The following NTRK2 variants were observed in gnomAD, a reference collection of about 807,000 sequenced individuals.
NTRK2 encodes neurotrophic receptor tyrosine kinase 2.
A neutral mutation model predicts 94.5 loss-of-function variants in NTRK2; 13 were observed. The ratio of observed to expected loss-of-function variants is 0.14; its 90% CI spans 0.09 to 0.22. The LOEUF (loss-of-function observed/expected upper bound fraction) is 0.22. Among genes scored for constraint, NTRK2 ranks in the 10% least tolerant of loss-of-function variants. NTRK2 has a pLI of 1.00. For synonymous variants in NTRK2, 372 were observed against 407.4 expected (o/e 0.91, Z 1.05); for missense variants, 639 against 1,071.2 (o/e 0.60, Z 5.63).
intron 12 of NTRK2, among the ~76,000 whole-genome samples, chr9:84,794,293 TG>T (rs1164267040): frequency 6.6e-6 from 1 of 152,062 alleles, no homozygotes; most frequent in Admixed American, 6.5e-5. Flanking sequence ...CACCCGAAAA[TG>T]GGGGCATCCT....
intron 12 of NTRK2, among the ~76,000 whole-genome samples, chr9:84,773,791 G>A (rs1170379202): frequency 6.6e-6 from 1 of 151,932 alleles, no homozygotes; most frequent in Non-Finnish European, 1.5e-5. Flanking sequence ...ACTTCAAAAA[G>A]AACACTTAAC....
intron 15 of NTRK2, among the ~76,000 whole-genome samples, chr9:84,942,488 C>T (rs1485945889): frequency 6.6e-6 from 1 of 151,974 alleles, no homozygotes; most frequent in Admixed American, 6.6e-5. Flanking sequence ...TCCAACATTC[C>T]CAAGAAAGAG....
At chr9:84,788,075 T>C (rs12552381) in intron 12 of NTRK2, among the ~76,000 whole-genome samples, 12,840 of 152,264 alleles carry the variant, frequency 0.084, 959 homozygotes, top group African/African-American at 0.19. Flanking sequence ...ATATGGTTTG[T>C]GCCATGTATC....
chr9:84,888,241 G>C (rs1304845059), intron 14 of NTRK2, among the ~76,000 whole-genome samples: 3 of 152,118 alleles, frequency 2.0e-5, no homozygotes, highest in Non-Finnish European at 2.9e-5. Context: ...CATCTGCTAA[G>C]TGTTTCCACA....
chr9:84,890,219 A>G (rs1356080114), intron 14 of NTRK2, among the ~76,000 whole-genome samples: 1 of 152,132 alleles, frequency 6.6e-6, no homozygotes, highest in Non-Finnish European at 1.5e-5. Flanking sequence ...CTAGGTCACT[A>G]ATAACTCAGG....
intron 12 of NTRK2, among the ~76,000 whole-genome samples, chr9:84,807,343 G>A (rs949868046): frequency 6.6e-6 from 1 of 152,192 alleles, no homozygotes; most frequent in Non-Finnish European, 1.5e-5. Context: ...TCAATGAGTA[G>A]ATCCTAAATC....
At chr9:84,752,594 G>A (rs535418637) in intron 12 of NTRK2, among the ~76,000 whole-genome samples, 4 of 152,156 alleles carry the variant, frequency 2.6e-5, no homozygotes, top group South Asian at 2.1e-4. Flanking sequence ...TAGAAGCTTC[G>A]TGAATACATA....
chr9:84,963,283 A>C (rs1311020911), intron 17 of NTRK2, among the ~76,000 whole-genome samples: 1 of 152,210 alleles, frequency 6.6e-6, no homozygotes, highest in Non-Finnish European at 1.5e-5. Flanking sequence ...GAGATCAATG[A>C]CTTGTTACCA....
intron 14 of NTRK2, among the ~76,000 whole-genome samples, chr9:84,869,533 C>A (rs141540784): frequency 2.6e-5 from 4 of 152,068 alleles, no homozygotes; most frequent in African/African-American, 9.7e-5. Context: ...TTCCCTTCAC[C>A]CTTTTGTAAA....
At chr9:84,701,050 G>A (rs1275246267) in intron 2 of NTRK2, among the ~76,000 whole-genome samples, 14 of 152,192 alleles carry the variant, frequency 9.2e-5, no homozygotes, top group Admixed American at 9.2e-4. Flanking sequence ...TAAGAAAACT[G>A]AATAGACAGG....
Position 84,850,371 on chromosome 9 carries a change from C to T in NTRK2, c.1397-10669C>T, listed in dbSNP as rs373350602. 1.2e-3 allele frequency among the ~76,000 whole-genome samples: 187 copies of T among 152,164 alleles called. 2 individuals carry two copies. Among genetic ancestry groups the T allele is most frequent in the African/African-American group, 3.4e-3 (140 of 41,516 alleles). On this transcript the variant is annotated intron_variant, in intron 12 of 18. Transcript: ENST00000277120. ...CATCAGGTGATCAATGAATAGTTTT[C>T]GAATGAATTAATAGGAAAATTTGAG... is the stretch of plus-strand genomic sequence containing the variant.
At chr9:84,787,315 AAACAAAAC>A (rs1436181432) in intron 12 of NTRK2, among the ~76,000 whole-genome samples, 3 of 151,616 alleles carry the variant, frequency 2.0e-5, no homozygotes, top group African/African-American at 4.9e-5. Flanking sequence ...ACAAACAAAC[AAACAAAAC>A]AAACAAACAA....
chr9:84,744,957 C>A lies in NTRK2; in HGVS notation c.1196-16C>A. ...CAACTTCATGTTCTTCCTCATTCCC[C>A]CTTTGCCCACTTAAGATTATGGAAC... On this transcript the variant is annotated splice_polypyrimidine_tract_variant and intron_variant, in intron 10 of 18. Transcript: ENST00000277120. 2 of 1,582,020 alleles carry A rather than the reference C, an allele frequency of 1.3e-6. No individual in the cohort carries two copies. The highest frequency in any genetic ancestry group is 1.1e-5 in the South Asian group (1 of 90,388).
intron 17 of NTRK2, among the ~76,000 whole-genome samples, chr9:84,993,057 A>T (rs1013556951): frequency 1.3e-5 from 2 of 151,904 alleles, no homozygotes; most frequent in Non-Finnish European, 2.9e-5. Flanking sequence ...GTTTCTTTAA[A>T]TGTTCTTTTC....
intron 17 of NTRK2, among the ~76,000 whole-genome samples, chr9:85,010,074 G>A (rs747698787): frequency 6.6e-6 from 1 of 152,190 alleles, no homozygotes; most frequent in Non-Finnish European, 1.5e-5. Context: ...CAGGATGCAC[G>A]CAGGACAGCA....
In NTRK2 at chr9:85,020,271, C is replaced by G. The variant is rs2117936191; in HGVS notation, c.2238C>G (p.Phe746Leu). 6.2e-7 allele frequency: 1 copy of G among 1,614,050 alleles called. No individual in the cohort carries two copies. Among genetic ancestry groups the G allele is most frequent in the Non-Finnish European group, 8.5e-7 (1 of 1,179,986 alleles). ...MPPESIMYRK[F>L]TTESDVWSLG... ...CAGAGAGCATCATGTACAGGAAATTCACGACGGAAAGCGACGTCTGGAGCC... is the reference window on the plus strand; with the variant it reads ...CAGAGAGCATCATGTACAGGAAATTGACGACGGAAAGCGACGTCTGGAGCC... The change falls in exon 18 of 19, where the codon TTC becomes TTG. Residue 746 changes from phenylalanine (F) to leucine (L), a missense_variant. Phe to Leu is a conservative substitution (Grantham distance 22, BLOSUM62 0). Around this residue, in one of 5 missense-constraint regions of NTRK2, gnomAD observed 77 missense variants for 203.6 expected, o/e 0.38. Coordinates refer to ENST00000277120, the MANE Select transcript of NTRK2 (RefSeq NM_006180.6).
chr9:85,000,476 A>G (rs1830217880), intron 17 of NTRK2, among the ~76,000 whole-genome samples: 1 of 152,166 alleles, frequency 6.6e-6, no homozygotes, highest in Non-Finnish European at 1.5e-5. Flanking sequence ...CCAGAATGTC[A>G]TGCAATTGGA....
At chr9:84,908,992 C>A (rs947137260) in intron 14 of NTRK2, among the ~76,000 whole-genome samples, 3 of 152,126 alleles carry the variant, frequency 2.0e-5, no homozygotes, top group Non-Finnish European at 4.4e-5. Context: ...TATCACAAAG[C>A]TATGATATTG....
Position 84,989,931 on chromosome 9 carries a change from T to A in NTRK2, c.2173-30275T>A, listed in dbSNP as rs1027031293. 2.0e-5 allele frequency among the ~76,000 whole-genome samples: 3 copies of A among 152,244 alleles called. No homozygotes were observed. The East Asian group carries it at 5.8e-4, about 29-fold the overall frequency. On this transcript the variant is annotated intron_variant, in intron 17 of 18. Transcript: ENST00000277120. ...CCTTGTACCTAAAGAACATACAATT[T>A]TAGCACATAAAGTTCCTAGGTGTAA...
Sources: allele counts gnomAD v4.1 joint callset (sites outside exome capture counted in the v4.1 genomes callset), GRCh38; gene constraint gnomAD v4.1.1; regional missense constraint gnomAD v4.1.1; transcripts MANE v1.5; gene names NCBI Gene and HGNC (gene_info 2026-07-23, HGNC 2026-07-21).